BICRAL: variants seen among roughly 807,000 people sequenced by gnomAD.
The protein encoded by BICRAL is BICRA like chromatin remodeling complex associated protein.
Under a neutral mutation model 91.8 loss-of-function variants are expected in BICRAL, and 8 were observed. The observed-to-expected ratio is 0.09, with a 90% confidence interval of 0.05 to 0.16. The LOEUF is 0.16. Ranked by LOEUF, BICRAL falls within the 10% of genes least tolerant of loss-of-function variation. The probability of loss-of-function intolerance (pLI) is 1.00; values close to 1 mark genes in which losing one functional copy is unlikely to be tolerated. For synonymous variants in BICRAL, 445 were observed against 491.1 expected (o/e 0.91, Z 1.24); for missense variants, 1,038 against 1,310.9 (o/e 0.79, Z 3.21).
intron 1 of BICRAL, among the ~76,000 whole-genome samples, chr6:42,753,947 C>T (rs1194728008): frequency 2.0e-5 from 3 of 149,336 alleles, no homozygotes; most frequent in African/African-American, 7.4e-5. Context: ...GCTGGGATTA[C>T]AGGCATGAGC....
intron 9 of BICRAL, 84 bp from the exon 10 acceptor site, chr6:42,857,007 A>C: frequency 8.6e-7 from 1 of 1,160,618 alleles, no homozygotes; most frequent in Non-Finnish European, 1.2e-6. Context: ...TATATATCTT[A>C]TTTTATTTGC....
At chr6:42,781,470 A>T (rs1472669320), upstream of BICRAL, among the ~76,000 whole-genome samples, 3 of 152,102 alleles carry the variant, frequency 2.0e-5, no homozygotes. Flanking sequence ...GTTTTTAAAA[A>T]GCATATGCAA....
rs1178248288 is a variant in BICRAL, at chr6:42,829,862, A to G, written c.1529A>G (p.His510Arg). The change falls in exon 6 of 13, where the codon CAC becomes CGC. Residue 510 changes from histidine to arginine, a missense_variant. His to Arg is a conservative substitution (Grantham distance 29). Around this residue, in one of 5 missense-constraint regions of BICRAL, gnomAD observed 532 missense variants for 724.9 expected, o/e 0.73. Coordinates refer to ENST00000314073, the MANE Select transcript of BICRAL (RefSeq NM_001393499.1). Reference sequence around the variant, plus strand: ...CAGCAGGCATCCCCAACTGTATTACACCTGTCACCTGGGCAGAGCAGCGTT... The same window carrying G: ...CAGCAGGCATCCCCAACTGTATTACGCCTGTCACCTGGGCAGAGCAGCGTT... Reference protein sequence around the residue: ...PLQQASPTVLHLSPGQSSVSQ... With the variant: ...PLQQASPTVLRLSPGQSSVSQ... 2.5e-6 allele frequency: 4 copies of G among 1,614,088 alleles called. No homozygotes were observed.
At position 42,844,249 on chromosome 6, in the gene BICRAL, C is replaced by A. The variant is rs1008148106; in HGVS notation, c.1840-7843C>A. Among the ~76,000 whole-genome samples, 5 of 150,322 alleles carry A rather than the reference C, an allele frequency of 3.3e-5. No individual in the cohort carries two copies. In the East Asian group the frequency reaches 1.0e-3, roughly 30 times the overall value. Reference sequence around the variant, plus strand: ...AGGATGGGCTTGGCACGGTGGCTCACGCCTGTAATCCCAGCACTGGGAGGC... The same window carrying A: ...AGGATGGGCTTGGCACGGTGGCTCAAGCCTGTAATCCCAGCACTGGGAGGC... On this transcript the variant is annotated intron_variant, in intron 6 of 12. Transcript: ENST00000314073.
chr6:42,766,807 A>G lies in BICRAL; in HGVS notation c.-260-15032A>G, dbSNP rs534901081. ...TGTAATCCCAGCACTTTGGGAGGCC[A>G]AGGCGGGCGGATCATGAGGTCAGGA... On this transcript the variant is annotated intron_variant, in intron 1 of 14. Coordinates refer to the BICRAL transcript ENST00000614467. Among the ~76,000 whole-genome samples, 7 of 152,190 alleles carry G rather than the reference A, an allele frequency of 4.6e-5. No individual in the cohort carries two copies. In the East Asian group the frequency reaches 5.8e-4, roughly 13 times the overall value.
At chr6:42,845,193 G>GTGTTTT (rs1764960425) in intron 6 of BICRAL, among the ~76,000 whole-genome samples, 1 of 34,132 alleles carries the variant, frequency 2.9e-5, no homozygotes, top group African/African-American at 9.5e-5. Flanking sequence ...TGTTTTTTGG[G>GTGTTTT]TGTTTTTTTT....
chr6:42,797,331 G>A (rs560830917), intron 1 of BICRAL, among the ~76,000 whole-genome samples: 2 of 152,072 alleles, frequency 1.3e-5, no homozygotes, highest in Non-Finnish European at 1.5e-5. Context: ...GGGACCTTGC[G>A]ATCAGTTTGT....
At chr6:42,814,261 G>T (rs1763915356) in intron 2 of BICRAL, among the ~76,000 whole-genome samples, 2 of 138,328 alleles carry the variant, frequency 1.4e-5, no homozygotes, top group Non-Finnish European at 3.1e-5. Context: ...TTGAGACACG[G>T]TCTCACTTTG....
At chr6:42,765,769 G>C (rs1455765252) in intron 1 of BICRAL, among the ~76,000 whole-genome samples, 1 of 152,114 alleles carries the variant, frequency 6.6e-6, no homozygotes, top group African/African-American at 2.4e-5. Flanking sequence ...TCTACAGGCT[G>C]TCAGGGATCA....
At chr6:42,818,289 T>G (rs1322440669) in intron 2 of BICRAL, among the ~76,000 whole-genome samples, 1 of 152,206 alleles carries the variant, frequency 6.6e-6, no homozygotes, top group Non-Finnish European at 1.5e-5. Context: ...GCTAGTTGTA[T>G]TTCCTTTTCT....
At chr6:42,761,765 A>T (rs1762553224) in intron 1 of BICRAL, among the ~76,000 whole-genome samples, 1 of 151,858 alleles carries the variant, frequency 6.6e-6, no homozygotes, top group Admixed American at 6.6e-5. Flanking sequence ...ACCAAAAAAA[A>T]TAGCGAGACA....
chr6:42,827,069 G>T (rs1367550502), intron 5 of BICRAL, among the ~76,000 whole-genome samples: 2 of 152,174 alleles, frequency 1.3e-5, no homozygotes, highest in African/African-American at 4.8e-5. Flanking sequence ...TAATAGGTGT[G>T]AGCCACCGCG....
intron 1 of BICRAL, among the ~76,000 whole-genome samples, chr6:42,782,659 A>AG (rs1023639941): frequency 7.5e-6 from 1 of 134,044 alleles, no homozygotes; most frequent in African/African-American, 2.9e-5. Flanking sequence ...AGGGGAGGGG[A>AG]GGGAAGCCTT....
chr6:42,795,566 T>C lies in BICRAL; in HGVS notation c.-102+13465T>C, dbSNP rs1763395427. 3.3e-5 allele frequency among the ~76,000 whole-genome samples: 5 copies of C among 152,356 alleles called. No individual in the cohort carries two copies. The South Asian group carries it at 1.0e-3, about 32-fold the overall frequency. On this transcript the variant is annotated intron_variant, in intron 1 of 12. Coordinates refer to ENST00000314073, the MANE Select transcript of BICRAL (RefSeq NM_001393499.1). ...TAGATGTTCTATGTTTCAAATTACC[T>C]TACTATCAAAAATTACCTTGAGCTT...
In BICRAL at chr6:42,823,206, G is replaced by T. The variant is rs181740474; in HGVS notation, c.159+203G>T. ...AGTGGTGCGATCACAGCTCACTGCA[G>T]CCTTGACCTCCCAGGCTGAAGCGAT... On this transcript the variant is annotated intron_variant, in intron 5 of 12. Transcript: ENST00000314073. 2.1e-4 allele frequency among the ~76,000 whole-genome samples: 32 copies of T among 152,240 alleles called. 1 individual carries two copies. The Middle Eastern group carries it at 0.037, about 178-fold the overall frequency.
intron 1 of BICRAL, among the ~76,000 whole-genome samples, chr6:42,758,441 A>C (rs1015919219): frequency 7.2e-5 from 11 of 152,318 alleles, no homozygotes; most frequent in Admixed American, 3.9e-4. Context: ...GTCACCCAGC[A>C]CACTGTGTCT....
Position 42,829,400 on chromosome 6 carries a change from G to A in BICRAL, c.1067G>A (p.Gly356Asp). The A allele has an allele frequency of 6.2e-7, 1 of 1,614,152 alleles. No individual in the cohort carries two copies. Among genetic ancestry groups the A allele is most frequent in the Non-Finnish European group, 8.5e-7 (1 of 1,180,036 alleles). ...SASSPQGSVV[G>D]PHMSVNIVNQ... ...AGCTCACCCCAGGGCTCAGTAGTTGGTCCACACATGTCTGTGAACATTGTA... is the reference window on the plus strand; with the variant it reads ...AGCTCACCCCAGGGCTCAGTAGTTGATCCACACATGTCTGTGAACATTGTA... Residue 356 changes from glycine (G) to aspartate (D), a missense_variant, in exon 6 of 13, where the codon GGT (glycine) becomes GAT (aspartate). Gly to Asp is a moderately conservative substitution (Grantham distance 94). Around this residue, in one of 5 missense-constraint regions of BICRAL, gnomAD observed 532 missense variants for 724.9 expected, o/e 0.73. Transcript: ENST00000314073.
At chr6:42,862,463 A>T in intron 11 of BICRAL, 47 bp from the exon 12 acceptor site, 1 of 1,273,382 alleles carries the variant, frequency 7.9e-7, no homozygotes, top group Non-Finnish European at 1.1e-6. Context: ...AAAAGCAACC[A>T]TTTTTTAAAA....
At chr6:42,756,616 G>A (rs1762463056) in intron 1 of BICRAL, among the ~76,000 whole-genome samples, 3 of 151,856 alleles carry the variant, frequency 2.0e-5, no homozygotes, top group African/African-American at 4.8e-5. Flanking sequence ...CCAAAATGAG[G>A]TTTTTATTGC....
Sources: allele counts gnomAD v4.1 joint callset (sites outside exome capture counted in the v4.1 genomes callset), GRCh38; gene constraint gnomAD v4.1.1; regional missense constraint gnomAD v4.1.1; transcripts MANE v1.5; gene names NCBI Gene and HGNC (gene_info 2026-07-23, HGNC 2026-07-21).